ATP8B4: variants seen among roughly 807,000 people sequenced by gnomAD.
ATP8B4 encodes the protein ATPase phospholipid transporting 8B4 (putative).
Under a neutral mutation model 145.6 loss-of-function variants are expected in ATP8B4, and 133 were observed. That is an observed-to-expected ratio of 0.91 (90% CI 0.79 to 1.05). ATP8B4 has a LOEUF of 1.05. Ranked by LOEUF, ATP8B4 falls within the 50% of genes least tolerant of loss-of-function variation. ATP8B4 has a pLI of 0.00. For missense variants in ATP8B4, 1,458 were observed against 1,425.2 expected, an observed-to-expected ratio of 1.02 and a Z score of -0.37; for synonymous variants, 507 against 492.9, an observed-to-expected ratio of 1.03 and a Z score of -0.38.
intron 6 of ATP8B4, among the ~76,000 whole-genome samples, chr15:50,034,248 T>C (rs1278640947): frequency 3.0e-5 from 4 of 133,806 alleles, no homozygotes; most frequent in South Asian, 2.4e-4. Flanking sequence ...TTTTTTTTTT[T>C]AGAAAGAGTT....
intron 20 of ATP8B4, among the ~76,000 whole-genome samples, chr15:49,908,782 C>T (rs1026771386): frequency 2.6e-5 from 4 of 152,264 alleles, no homozygotes; most frequent in African/African-American, 9.6e-5. Flanking sequence ...GCCACCACTG[C>T]CACCATGGCC....
At chr15:50,112,421 G>A (rs1166033158) in intron 1 of ATP8B4, among the ~76,000 whole-genome samples, 1 of 152,030 alleles carries the variant, frequency 6.6e-6, no homozygotes, top group African/African-American at 2.4e-5. Flanking sequence ...TGAAGACTCA[G>A]GAAAAAGCAG....
intron 23 of ATP8B4, chr15:49,894,810 C>T (rs2037217272): frequency 6.6e-6 from 1 of 152,332 alleles, no homozygotes; most frequent in African/African-American, 2.4e-5. Flanking sequence ...CGGAATGGCT[C>T]TCTTTGCTGC....
chr15:50,144,411 C>T (rs558093807), intron 1 of ATP8B4, among the ~76,000 whole-genome samples: 4 of 152,256 alleles, frequency 2.6e-5, no homozygotes, highest in African/African-American at 9.6e-5. Flanking sequence ...CTCACAGTTA[C>T]GCATGGCTGG....
rs753542910 is a variant in ATP8B4 at position 50,104,887 on chromosome 15, A to ACACACACACACACACACACC, written c.28+2051_28+2052insGGTGTGTGTGTGTGTGTGTG. On this transcript the variant is annotated intron_variant, in intron 2 of 27. Transcript: ENST00000284509. Reference sequence around the variant, plus strand: ...TGCATACACACACACACACACACACACCCATATATACACTATGGAATACTA... The same window carrying ACACACACACACACACACACC: ...TGCATACACACACACACACACACACACACACACACACACACACACCCCCATATATACACTATGGAATACTA... Among the ~76,000 whole-genome samples the ACACACACACACACACACACC allele has an allele frequency of 1.1e-3, 166 of 151,498 alleles. No homozygotes were observed. In the East Asian group the frequency reaches 0.017, roughly 15 times the overall value.
At chr15:50,058,236 G>T (rs542026588) in intron 3 of ATP8B4, among the ~76,000 whole-genome samples, 1 of 152,084 alleles carries the variant, frequency 6.6e-6, no homozygotes, top group African/African-American at 2.4e-5. Flanking sequence ...CCACGAATTC[G>T]TCTTATCCTG....
chr15:50,162,235 T>C (rs1218810720), intron 1 of ATP8B4, among the ~76,000 whole-genome samples: 1 of 151,966 alleles, frequency 6.6e-6, no homozygotes, highest in African/African-American at 2.4e-5. Flanking sequence ...AGTCTGATTA[T>C]TACATGCCTT....
chr15:50,029,677 G>C (rs1379063615), intron 6 of ATP8B4, among the ~76,000 whole-genome samples: 1 of 152,064 alleles, frequency 6.6e-6, no homozygotes, highest in East Asian at 1.9e-4. Context: ...AAATAATCTC[G>C]ATTATTGTTA....
At chr15:50,038,481 C>A (rs2051008731) in intron 6 of ATP8B4, among the ~76,000 whole-genome samples, 1 of 152,094 alleles carries the variant, frequency 6.6e-6, no homozygotes, top group Non-Finnish European at 1.5e-5. Context: ...CCCATATGCA[C>A]CAATTCTAAA....
intron 14 of ATP8B4, among the ~76,000 whole-genome samples, chr15:49,959,868 A>G (rs76199491): frequency 0.22 from 33,746 of 152,072 alleles, 4,606 homozygotes; most frequent in East Asian, 0.59. Context: ...GGATATTAAC[A>G]CTTCCTAAGA....
chr15:50,177,446 G>C (rs531440844), intron 1 of ATP8B4, among the ~76,000 whole-genome samples: 37 of 152,340 alleles, frequency 2.4e-4, no homozygotes, highest in African/African-American at 8.9e-4. Context: ...CCACCTATGC[G>C]ATGGGTTTAT....
intron 1 of ATP8B4, among the ~76,000 whole-genome samples, chr15:50,111,334 T>C (rs59030899): frequency 0.03 from 4,593 of 152,336 alleles, 230 homozygotes; most frequent in African/African-American, 0.11. Flanking sequence ...AGGGAAAGAA[T>C]GCACTTGTCA....
chr15:50,171,567 G>A (rs1188264989), intron 1 of ATP8B4, among the ~76,000 whole-genome samples: 1 of 152,116 alleles, frequency 6.6e-6, no homozygotes, highest in East Asian at 1.9e-4. Context: ...GTGCTAAGAG[G>A]AAAGTTCATA....
intron 6 of ATP8B4, among the ~76,000 whole-genome samples, chr15:50,016,027 A>G (rs907243480): frequency 6.6e-6 from 1 of 152,198 alleles, no homozygotes; most frequent in Admixed American, 6.5e-5. Flanking sequence ...AGAAAAAGTA[A>G]TCAATCTTAC....
chr15:49,886,515 C>G (rs1000997747), intron 23 of ATP8B4, among the ~76,000 whole-genome samples: 2 of 152,076 alleles, frequency 1.3e-5, no homozygotes. Context: ...AAATAGAATT[C>G]TTTATTGAGA....
chr15:50,080,655 A>T (rs2054484091), intron 2 of ATP8B4, among the ~76,000 whole-genome samples: 1 of 152,000 alleles, frequency 6.6e-6, no homozygotes, highest in Non-Finnish European at 1.5e-5. Context: ...CTGGTCCCGA[A>T]CTCCTGGCCT....
At chr15:50,111,612 T>C (rs1049489089) in intron 1 of ATP8B4, among the ~76,000 whole-genome samples, 8 of 152,304 alleles carry the variant, frequency 5.3e-5, no homozygotes, top group African/African-American at 1.9e-4. Flanking sequence ...GGTAGAAGCC[T>C]GTCCTTTGGG....
At chr15:50,168,402 C>T (rs1323810016) in intron 1 of ATP8B4, among the ~76,000 whole-genome samples, 1 of 152,154 alleles carries the variant, frequency 6.6e-6, no homozygotes. Flanking sequence ...CTCTCTCAAA[C>T]ACACACCCCC....
intron 7 of ATP8B4, 102 bp downstream of exon 7, chr15:50,010,743 T>C: frequency 1.5e-6 from 1 of 683,674 alleles, no homozygotes; most frequent in Admixed American, 3.7e-5. Flanking sequence ...ATGATAATTA[T>C]TCTGGATTAG....
Sources: gnomAD v4.1 joint callset for allele counts (sites outside exome capture counted in the v4.1 genomes callset) on GRCh38, gnomAD v4.1.1 for gene constraint, MANE v1.5 for transcripts, NCBI Gene and HGNC (gene_info 2026-07-23, HGNC 2026-07-21) for gene names.